The following KLHL32 variants were observed in gnomAD, a reference collection of about 807,000 sequenced individuals.
The protein encoded by KLHL32 is kelch-like protein 32.
A neutral mutation model predicts 64.8 loss-of-function variants in KLHL32; 35 were observed. The observed-to-expected ratio is 0.54, with a 90% confidence interval of 0.41 to 0.72. The LOEUF (loss-of-function observed/expected upper bound fraction) is 0.72, where lower values mean the gene tolerates loss of function less well. KLHL32 is among the 30% of genes least tolerant of loss of function. KLHL32 has a pLI of 0.00. For synonymous variants in KLHL32, 259 were observed against 281.0 expected (o/e 0.92, Z 0.78); for missense variants, 589 against 768.5 (o/e 0.77, Z 2.76).
intron 1 of KLHL32, among the ~76,000 whole-genome samples, chr6:96,934,043 C>A (rs13211421): frequency 0.13 from 19,933 of 152,142 alleles, 1,563 homozygotes; most frequent in East Asian, 0.26. Flanking sequence ...TCATCCATGA[C>A]ATAAAATTAG....
intron 3 of KLHL32, among the ~76,000 whole-genome samples, chr6:96,991,851 G>A (rs1777911542): frequency 6.6e-6 from 1 of 152,166 alleles, no homozygotes; most frequent in Admixed American, 6.5e-5. Context: ...GCCCAGTGAG[G>A]AGTAGCAGGG....
chr6:97,082,950 C>G (rs1258816065), intron 5 of KLHL32, among the ~76,000 whole-genome samples: 3 of 152,184 alleles, frequency 2.0e-5, no homozygotes, highest in African/African-American at 7.2e-5. Context: ...GTTTATGGAT[C>G]CCAAACAACA....
At chr6:97,137,036 A>G (rs1800098025) in intron 10 of KLHL32, among the ~76,000 whole-genome samples, 1 of 152,202 alleles carries the variant, frequency 6.6e-6, no homozygotes, top group Non-Finnish European at 1.5e-5. Flanking sequence ...TCTTCTCTGT[A>G]AATTGAAGAC....
chr6:97,074,145 A>G (rs552571174), intron 5 of KLHL32, among the ~76,000 whole-genome samples: 1 of 152,242 alleles, frequency 6.6e-6, no homozygotes, highest in East Asian at 1.9e-4. Flanking sequence ...TGAAATGCAT[A>G]CTCCAGAGTA....
intron 3 of KLHL32, among the ~76,000 whole-genome samples, chr6:96,981,457 C>G (rs1247745648): frequency 2.0e-5 from 3 of 151,916 alleles, no homozygotes; most frequent in African/African-American, 7.3e-5. Flanking sequence ...TTTTATTAGT[C>G]TAGTTTGCTG....
the KLHL32 span, among the ~76,000 whole-genome samples, chr6:96,917,349 C>T: frequency 6.6e-6 from 1 of 152,098 alleles, no homozygotes. Flanking sequence ...AAATGGTTCC[C>T]CTGGAGACTC....
At chr6:97,046,176 A>G (rs1785896921) in intron 4 of KLHL32, among the ~76,000 whole-genome samples, 2 of 152,280 alleles carry the variant, frequency 1.3e-5, no homozygotes, top group South Asian at 4.1e-4. Flanking sequence ...CCTTCTGAAA[A>G]AGCCAGGGGA....
intron 3 of KLHL32, among the ~76,000 whole-genome samples, chr6:97,002,788 C>T (rs1779205015): frequency 6.6e-6 from 1 of 152,154 alleles, no homozygotes; most frequent in African/African-American, 2.4e-5. Flanking sequence ...ATCCATGTTT[C>T]TGCAAAGGAC....
chr6:97,040,470 A>G (rs1162402936), intron 3 of KLHL32, among the ~76,000 whole-genome samples: 1 of 152,164 alleles, frequency 6.6e-6, no homozygotes, highest in African/African-American at 2.4e-5. Flanking sequence ...TGGTTCTCAA[A>G]TTCAAGTGGG....
At chr6:96,920,185 C>G (rs139904415), upstream of KLHL32, among the ~76,000 whole-genome samples, 275 of 152,212 alleles carry the variant, frequency 1.8e-3, no homozygotes, top group African/African-American at 6.2e-3. Context: ...GGGAAAGGGA[C>G]CTGGTCAAGG....
rs560510967 is a variant in KLHL32, at chr6:97,122,287, CCAT to C, written c.1355-5112_1355-5110del. Among the ~76,000 whole-genome samples, 113 of 152,118 alleles carry C rather than the reference CCAT, an allele frequency of 7.4e-4. 1 individual carries two copies. The highest frequency in any genetic ancestry group is 2.6e-3 in the African/African-American group (108 of 41,494). On this transcript the variant is annotated intron_variant, in intron 7 of 10. Coordinates refer to ENST00000369261, the MANE Select transcript of KLHL32 (RefSeq NM_052904.4). ...TGCAGGTTTTGAGTATATTAAGTAC[CCAT>C]CATCTGTGTGGGTTCCTCAAGTATG...
chr6:96,914,309 T>G, the KLHL32 span, among the ~76,000 whole-genome samples: 1 of 152,142 alleles, frequency 6.6e-6, no homozygotes, highest in Non-Finnish European at 1.5e-5. Context: ...TGAGATAATT[T>G]ATGACAGGAA....
intron 3 of KLHL32, among the ~76,000 whole-genome samples, chr6:96,978,751 A>G (rs959140343): frequency 1.3e-5 from 2 of 152,212 alleles, no homozygotes; most frequent in African/African-American, 4.8e-5. Flanking sequence ...ACTAATTTGC[A>G]TTGCCACCAG....
chr6:96,980,080 T>A (rs1231604924), intron 3 of KLHL32, among the ~76,000 whole-genome samples: 1 of 152,058 alleles, frequency 6.6e-6, no homozygotes, highest in African/African-American at 2.4e-5. Flanking sequence ...ATGTGGAGAG[T>A]TCTAAGTATG....
At chr6:97,020,383 A>G (rs1251768523) in intron 3 of KLHL32, among the ~76,000 whole-genome samples, 1 of 151,154 alleles carries the variant, frequency 6.6e-6, no homozygotes, top group Non-Finnish European at 1.5e-5. Context: ...ATACTATAGA[A>G]ACTCTATGCC....
chr6:97,107,291 CAA>C, intron 6 of KLHL32, among the ~76,000 whole-genome samples: 1 of 136,650 alleles, frequency 7.3e-6, no homozygotes, highest in African/African-American at 2.7e-5. Context: ...GACTCCATCT[CAA>C]AAAAAAAAAA....
chr6:96,999,401 C>G (rs1000195395), intron 3 of KLHL32: 1 of 301,660 alleles, frequency 3.3e-6, no homozygotes, highest in South Asian at 1.3e-4. Context: ...GTCTCAACAA[C>G]AACAACAACA....
chr6:96,899,947 C>T, the KLHL32 span, among the ~76,000 whole-genome samples: 1 of 152,188 alleles, frequency 6.6e-6, no homozygotes, highest in Non-Finnish European at 1.5e-5. Context: ...GTCTTGACAA[C>T]ACACTAGAAT....
rs183374476 is a variant in KLHL32 at position 97,044,653 on chromosome 6, G to A, written c.312+3054G>A. Reference sequence around the variant, plus strand: ...GGTCCTAGATTTTTCTTTAATGGGAGATATTTTTTATTAATAGTATTGATA... The same window carrying A: ...GGTCCTAGATTTTTCTTTAATGGGAAATATTTTTTATTAATAGTATTGATA... On this transcript the variant is annotated intron_variant, in intron 4 of 10. Transcript: ENST00000369261. Among the ~76,000 whole-genome samples the A allele has an allele frequency of 1.9e-3, 296 of 152,044 alleles. 3 individuals are homozygous for A. Among genetic ancestry groups the A allele is most frequent in the African/African-American group, 6.4e-3 (266 of 41,528 alleles).
Sources: gnomAD v4.1 joint callset for allele counts (sites outside exome capture counted in the v4.1 genomes callset) on GRCh38, gnomAD v4.1.1 for gene constraint, MANE v1.5 for transcripts, NCBI Gene and HGNC (gene_info 2026-07-23, HGNC 2026-07-21) for gene names.